MAP4K3: variants seen among roughly 807,000 people sequenced by gnomAD.
The protein encoded by MAP4K3 is mitogen-activated protein kinase kinase kinase kinase 3, also known as MAPK/ERK kinase kinase kinase 3.
Under a neutral mutation model 143.5 loss-of-function variants are expected in MAP4K3, and 94 were observed. The observed-to-expected ratio is 0.65, with a 90% CI of 0.55 to 0.78. The LOEUF is 0.78. Among genes scored for constraint, MAP4K3 ranks in the 30% least tolerant of loss-of-function variants. The pLI is 0.00. For synonymous variants in MAP4K3, 416 were observed against 347.2 expected, an observed-to-expected ratio of 1.20 and a Z score of -2.20; for missense variants, 1,077 against 1,068.1, an observed-to-expected ratio of 1.01 and a Z score of -0.12.
At chr2:39,401,816 A>C (rs1341274685) in intron 1 of MAP4K3, among the ~76,000 whole-genome samples, 1 of 152,110 alleles carries the variant, frequency 6.6e-6, no homozygotes, top group Non-Finnish European at 1.5e-5. Context: ...AAAACAAATA[A>C]ATACAAGAAT....
chr2:39,353,701 A>C (rs1665522106), intron 3 of MAP4K3, among the ~76,000 whole-genome samples: 1 of 152,222 alleles, frequency 6.6e-6, no homozygotes, highest in Admixed American at 6.5e-5. Flanking sequence ...GCACTAAAAT[A>C]ATGATACTTT....
intron 3 of MAP4K3, among the ~76,000 whole-genome samples, chr2:39,351,227 T>C (rs924447536): frequency 2.0e-5 from 3 of 152,190 alleles, no homozygotes; most frequent in African/African-American, 7.2e-5. Context: ...AGTAGCTGTC[T>C]CCTGAATATG....
In MAP4K3 at chr2:39,424,560, T is replaced by G. The variant is rs192775601; in HGVS notation, c.96+12332A>C. Among the ~76,000 whole-genome samples, 154 of 152,134 alleles carry G rather than the reference T, an allele frequency of 1.0e-3. 4 individuals carry two copies. The East Asian group carries it at 0.026, about 25-fold the overall frequency. Reference sequence around the variant, plus strand: ...TAAAAAAGGGTTAGGCCAGGCGCAGTGGCTCAAGCCTGTAATCCCAGCACT... The same window carrying G: ...TAAAAAAGGGTTAGGCCAGGCGCAGGGGCTCAAGCCTGTAATCCCAGCACT... On this transcript the variant is annotated intron_variant, in intron 1 of 33. Coordinates refer to ENST00000263881, the MANE Select transcript of MAP4K3 (RefSeq NM_003618.4).
intron 2 of MAP4K3, among the ~76,000 whole-genome samples, chr2:39,376,315 G>T (rs1666217064): frequency 6.6e-6 from 1 of 152,138 alleles, no homozygotes; most frequent in African/African-American, 2.4e-5. Flanking sequence ...TGTAATAGAG[G>T]AAACATATTT....
At chr2:39,263,127 T>A (rs1369155875) in intron 28 of MAP4K3, among the ~76,000 whole-genome samples, 1 of 152,052 alleles carries the variant, frequency 6.6e-6, no homozygotes, top group South Asian at 2.1e-4. Flanking sequence ...ATGCAAAAAC[T>A]GTCAGAAATG....
At chr2:39,286,796 C>T in intron 21 of MAP4K3, 56 bp downstream of exon 21, 1 of 1,101,048 alleles carries the variant, frequency 9.1e-7, no homozygotes, top group South Asian at 1.8e-5. Context: ...ATAAAACTAA[C>T]TTAACAGTTA....
intron 1 of MAP4K3, among the ~76,000 whole-genome samples, chr2:39,411,768 T>C (rs556264158): frequency 1.3e-5 from 2 of 152,004 alleles, no homozygotes; most frequent in Non-Finnish European, 2.9e-5. Context: ...ATGAAAAAAA[T>C]GTGACGATCT....
intron 1 of MAP4K3, among the ~76,000 whole-genome samples, chr2:39,410,541 A>T (rs755322238): frequency 3.3e-5 from 5 of 152,182 alleles, no homozygotes; most frequent in Non-Finnish European, 5.9e-5. Context: ...AACAGCCAAA[A>T]ATCTTATTAC....
chr2:39,321,491 T>C (rs1683300854), intron 12 of MAP4K3, among the ~76,000 whole-genome samples: 1 of 152,100 alleles, frequency 6.6e-6, no homozygotes, highest in Non-Finnish European at 1.5e-5. Context: ...GAAAGCCAGG[T>C]ATTGTCCAAG....
chr2:39,409,429 A>C (rs1486481116), intron 1 of MAP4K3, among the ~76,000 whole-genome samples: 1 of 152,214 alleles, frequency 6.6e-6, no homozygotes, highest in East Asian at 1.9e-4. Context: ...CTGAACTTCA[A>C]TAAATGATCC....
intron 12 of MAP4K3, among the ~76,000 whole-genome samples, chr2:39,320,449 T>C (rs920190798): frequency 6.6e-6 from 1 of 152,120 alleles, no homozygotes; most frequent in African/African-American, 2.4e-5. Flanking sequence ...GTTCCAATAA[T>C]GGAACACTAG....
chr2:39,346,812 G>C (rs1015206406), intron 3 of MAP4K3, among the ~76,000 whole-genome samples: 1 of 151,998 alleles, frequency 6.6e-6, no homozygotes, highest in Non-Finnish European at 1.5e-5. Flanking sequence ...AGATTACTTA[G>C]AATTACCATT....
At position 39,423,640 on chromosome 2, in the gene MAP4K3, T is replaced by C. The variant is rs561464348; in HGVS notation, c.96+13252A>G. ...GTTATGGAAGAAACTTAAATGCATA[T>C]TGCTAAGGGAAAGAAGACAGTCTGA... On this transcript the variant is annotated intron_variant, in intron 1 of 33. Transcript: ENST00000263881. 8.5e-5 allele frequency among the ~76,000 whole-genome samples: 13 copies of C among 152,310 alleles called. No homozygotes were observed. In the South Asian group the frequency reaches 2.5e-3, roughly 29 times the overall value.
intron 2 of MAP4K3, among the ~76,000 whole-genome samples, chr2:39,374,912 C>T (rs932503922): frequency 4.6e-5 from 7 of 152,152 alleles, no homozygotes; most frequent in Admixed American, 4.6e-4. Context: ...ACATGTTGCA[C>T]TAGACTATTT....
At chr2:39,339,230 G>C (rs1253696802) in intron 4 of MAP4K3, among the ~76,000 whole-genome samples, 1 of 152,078 alleles carries the variant, frequency 6.6e-6, no homozygotes, top group Non-Finnish European at 1.5e-5. Context: ...GACCGGGTTG[G>C]GTTTAAATGT....
intron 1 of MAP4K3, among the ~76,000 whole-genome samples, chr2:39,413,628 G>A (rs529420273): frequency 6.6e-6 from 1 of 152,134 alleles, no homozygotes; most frequent in South Asian, 2.1e-4. Context: ...CAGGAATACG[G>A]ACTAAATAGA....
intron 1 of MAP4K3, among the ~76,000 whole-genome samples, chr2:39,378,688 A>C (rs1051689498): frequency 1.3e-5 from 2 of 152,098 alleles, no homozygotes; most frequent in East Asian, 3.8e-4. Flanking sequence ...AATTATGAAA[A>C]CAGGCCCCCT....
At chr2:39,267,149 G>T in intron 27 of MAP4K3, 40 bp downstream of exon 27, 2 of 1,583,992 alleles carry the variant, frequency 1.3e-6, no homozygotes, top group Non-Finnish European at 1.7e-6. Context: ...ATTTTAGGAG[G>T]AGTCTCAGAG....
chr2:39,436,709 G>C (rs1236006458), intron 1 of MAP4K3, 183 bp downstream of exon 1: 3 of 593,276 alleles, frequency 5.1e-6, no homozygotes, highest in Non-Finnish European at 6.0e-6. Flanking sequence ...GGGAGGTCTC[G>C]GGGTTAAACA....
Sources: allele counts gnomAD v4.1 joint callset (sites outside exome capture counted in the v4.1 genomes callset), GRCh38; gene constraint gnomAD v4.1.1; transcripts MANE v1.5; gene names NCBI Gene and HGNC (gene_info 2026-07-23, HGNC 2026-07-21).